Variants in TRIM14 observed in about 807,000 individuals in gnomAD.
TRIM14 encodes the protein tripartite motif containing 14.
A neutral mutation model predicts 44.5 loss-of-function variants in TRIM14; 28 were observed. The ratio of observed to expected loss-of-function variants is 0.63; its 90% CI spans 0.47 to 0.86. TRIM14 has a LOEUF of 0.86. Ranked by LOEUF, TRIM14 falls within the 40% of genes least tolerant of loss-of-function variation. The pLI is 0.00. For missense variants in TRIM14, 607 were observed against 611.1 expected, an observed-to-expected ratio of 0.99 and a Z score of 0.07; for synonymous variants, 299 against 269.2, an observed-to-expected ratio of 1.11 and a Z score of -1.08.
the TRIM14 span, among the ~76,000 whole-genome samples, chr9:98,057,922 GTTTT>G: frequency 1.3e-5 from 1 of 78,084 alleles, no homozygotes; most frequent in East Asian, 3.3e-4. Context: ...TTTTTTCCTG[GTTTT>G]TTTTTTTTTT....
chr9:98,113,218 C>T (rs180731653), intron 1 of TRIM14, among the ~76,000 whole-genome samples: 63 of 152,038 alleles, frequency 4.1e-4, no homozygotes, highest in African/African-American at 1.5e-3. Context: ...GTCTGGGCTC[C>T]TGTGTTGGAA....
intron 6 of TRIM14, among the ~76,000 whole-genome samples, chr9:98,073,572 C>T (rs1185192814): frequency 2.0e-5 from 3 of 150,674 alleles, no homozygotes; most frequent in South Asian, 2.1e-4. Context: ...CGTGAGCCAC[C>T]GCGCCTGGCC....
chr9:98,080,897 G>T, downstream of TRIM14: 2 of 1,614,192 alleles, frequency 1.2e-6, no homozygotes, highest in East Asian at 2.2e-5. Flanking sequence ...GGCCGCAGTG[G>T]CTCTGGGGGC....
chr9:98,044,437 C>T, the TRIM14 span, among the ~76,000 whole-genome samples: 2 of 147,852 alleles, frequency 1.4e-5, no homozygotes, highest in South Asian at 4.3e-4. Context: ...GCAGTGGCAC[C>T]ATCTCGGCTC....
At chr9:98,077,512 G>C (rs12377674) in intron 6 of TRIM14, among the ~76,000 whole-genome samples, 1 of 151,792 alleles carries the variant, frequency 6.6e-6, no homozygotes, top group Non-Finnish European at 1.5e-5. Flanking sequence ...ACCTGTCCTA[G>C]AAAATTTTTT....
intron 2 of TRIM14, among the ~76,000 whole-genome samples, chr9:98,102,007 CAAAA>C (rs998993291): frequency 5.2e-5 from 3 of 57,720 alleles, no homozygotes; most frequent in Admixed American, 1.7e-4. Context: ...GACTTTGACT[CAAAA>C]AAAAAAAAAA....
downstream of TRIM14, among the ~76,000 whole-genome samples, chr9:98,068,710 G>A (rs1012947601): frequency 1.3e-5 from 2 of 151,570 alleles, no homozygotes; most frequent in African/African-American, 2.4e-5. Flanking sequence ...CTGCTTGGGA[G>A]GCTGAGGCAG....
At chr9:98,083,622 AG>A (rs1240622235), downstream of TRIM14, among the ~76,000 whole-genome samples, 1 of 152,268 alleles carries the variant, frequency 6.6e-6, no homozygotes, top group Non-Finnish European at 1.5e-5. Context: ...ACAAATATTG[AG>A]GGCCATCTTT....
chr9:98,078,986 T>G (rs1178877896), intron 6 of TRIM14, among the ~76,000 whole-genome samples: 1 of 152,168 alleles, frequency 6.6e-6, no homozygotes, highest in African/African-American at 2.4e-5. Context: ...TCTTGAAACT[T>G]CCTGGCTTTT....
At chr9:98,106,839 T>C (rs1215379497) in intron 2 of TRIM14, among the ~76,000 whole-genome samples, 4 of 150,898 alleles carry the variant, frequency 2.7e-5, no homozygotes, top group African/African-American at 9.7e-5. Flanking sequence ...TTTTTTTTTT[T>C]TTTTGAGACA....
chr9:98,056,494 C>T, the TRIM14 span, among the ~76,000 whole-genome samples: 1 of 152,228 alleles, frequency 6.6e-6, no homozygotes, highest in African/African-American at 2.4e-5. Context: ...CTCCTGGGTG[C>T]ACGCACGGAT....
chr9:98,076,509 G>A (rs1829598439), intron 6 of TRIM14: 1 of 182,628 alleles, frequency 5.5e-6, no homozygotes, highest in African/African-American at 2.4e-5. Flanking sequence ...TGAGTAGCTG[G>A]GATCACAGGT....
the TRIM14 span, among the ~76,000 whole-genome samples, chr9:98,048,130 A>G: frequency 9.9e-3 from 1,508 of 151,918 alleles, 21 homozygotes; most frequent in African/African-American, 0.033. Context: ...CAAGACTCCC[A>G]TGGATGATGG....
At chr9:98,082,987 A>G (rs1364490504), downstream of TRIM14, 2 of 1,614,224 alleles carry the variant, frequency 1.2e-6, no homozygotes, top group Admixed American at 1.7e-5. Context: ...GGTCCTGGTC[A>G]CTGTTGAAGA....
chr9:98,053,802 A>AAATAAATAAAT, the TRIM14 span, among the ~76,000 whole-genome samples: 1 of 146,356 alleles, frequency 6.8e-6, no homozygotes, highest in Non-Finnish European at 1.5e-5. Flanking sequence ...AGCCCACTAC[A>AAATAAATAAAT]AAATAAATAA....
intron 2 of TRIM14, among the ~76,000 whole-genome samples, chr9:98,105,399 T>C (rs1826570399): frequency 6.6e-6 from 1 of 152,042 alleles, no homozygotes; most frequent in Non-Finnish European, 1.5e-5. Flanking sequence ...GCCAACATAG[T>C]GAAACCCGAT....
downstream of TRIM14, among the ~76,000 whole-genome samples, chr9:98,067,737 T>C (rs973312776): frequency 6.6e-5 from 10 of 152,200 alleles, no homozygotes; most frequent in African/African-American, 2.4e-4. Context: ...TTTTTTTTTG[T>C]GAGATACGGT....
At chr9:98,036,811 A>C in the TRIM14 span, among the ~76,000 whole-genome samples, 6 of 152,210 alleles carry the variant, frequency 3.9e-5, no homozygotes, top group African/African-American at 1.4e-4. Context: ...TCTCAAAAAA[A>C]CAAAACAAAA....
rs1390531327 is a variant in TRIM14, at chr9:98,087,451, G to C, written c.*19C>G. The C allele has an allele frequency of 1.3e-5, 21 of 1,605,768 alleles. No homozygotes were observed. Among genetic ancestry groups the C allele is most frequent in the Non-Finnish European group, 1.7e-5 (20 of 1,174,988 alleles). The stretch of plus-strand genomic sequence containing the variant: ...GGCAGCTGCGGCGTACCTGGAGGCT[G>C]TCACGCCGGTCCTGGCCCCTAGGGC... On this transcript the variant is annotated 3_prime_UTR_variant, in exon 6 of 6. Transcript: ENST00000341469.
Sources: gnomAD v4.1 joint callset for allele counts (sites outside exome capture counted in the v4.1 genomes callset) on GRCh38, gnomAD v4.1.1 for gene constraint, MANE v1.5 for transcripts, NCBI Gene and HGNC (gene_info 2026-07-23, HGNC 2026-07-21) for gene names.